CDHR2: variants seen among roughly 807,000 people sequenced by gnomAD.
The protein encoded by CDHR2 is cadherin-related family member 2.
CDHR2 carries 104 observed loss-of-function variants against 138.6 expected under a neutral mutation model. The ratio of observed to expected loss-of-function variants is 0.75; its 90% CI spans 0.64 to 0.88. The LOEUF is 0.88. CDHR2 is among the 40% of genes least tolerant of loss of function. CDHR2 has a pLI of 0.00. For synonymous variants in CDHR2, 755 were observed against 742.8 expected (o/e 1.02, Z -0.27); for missense variants, 1,624 against 1,727.6 (o/e 0.94, Z 1.06).
chr5:176,550,139 TC>T (rs34107500), intron 1 of CDHR2, among the ~76,000 whole-genome samples: 1 of 152,114 alleles, frequency 6.6e-6, no homozygotes, highest in Non-Finnish European at 1.5e-5. Context: ...CAAGGCAGGG[TC>T]CCAGTGAGCA....
chr5:176,584,176 G>A lies in CDHR2; in HGVS notation c.2059-14G>A, dbSNP rs768334313. Reference sequence around the variant, plus strand: ...GATTGGATCCCGGGGACTCAGACCTGTCTCTGACTGCAGGACATCAATGAT... The same window carrying A: ...GATTGGATCCCGGGGACTCAGACCTATCTCTGACTGCAGGACATCAATGAT... On this transcript the variant is annotated splice_polypyrimidine_tract_variant and intron_variant, in intron 17 of 31. Transcript: ENST00000261944. 1 of 1,612,916 alleles carries A rather than the reference G, an allele frequency of 6.2e-7. No homozygotes were observed. The highest frequency in any genetic ancestry group is 8.5e-7 in the Non-Finnish European group (1 of 1,178,928).
At chr5:176,559,408 G>C (rs535703937) in intron 1 of CDHR2, among the ~76,000 whole-genome samples, 17 of 152,224 alleles carry the variant, frequency 1.1e-4, no homozygotes, top group Admixed American at 8.5e-4. Context: ...AGGATTTCAG[G>C]GTCTTGTCTT....
At chr5:176,569,241 TG>T (rs1446988212) in intron 5 of CDHR2, among the ~76,000 whole-genome samples, 1 of 151,792 alleles carries the variant, frequency 6.6e-6, no homozygotes, top group African/African-American at 2.4e-5. Context: ...AGGGCTTTTT[TG>T]TTTACATATA....
chr5:176,588,436 TAA>T (rs1243551913), intron 21 of CDHR2, among the ~76,000 whole-genome samples: 1 of 138,574 alleles, frequency 7.2e-6, no homozygotes, highest in Non-Finnish European at 1.6e-5. Context: ...TGTGTCAGGA[TAA>T]GTGTGTGAGT....
In CDHR2 at chr5:176,577,799, G is replaced by C; in HGVS notation, c.1512+1G>C. The C allele has an allele frequency of 6.2e-7, 1 of 1,613,874 alleles. No homozygotes were observed. Reference sequence around the variant, plus strand: ...CTCTGTGGTCACCGACAGCATCCACGTGAGTGATGTGGACACAGTGGGGCT... The same window carrying C: ...CTCTGTGGTCACCGACAGCATCCACCTGAGTGATGTGGACACAGTGGGGCT... On this transcript the variant is annotated splice_donor_variant, in intron 14 of 31. Coordinates refer to ENST00000261944, the MANE Select transcript of CDHR2 (RefSeq NM_017675.6). LOFTEE classifies it high-confidence loss of function.
intron 1 of CDHR2, among the ~76,000 whole-genome samples, chr5:176,564,997 G>A (rs6892681): frequency 3.3e-5 from 5 of 152,024 alleles, no homozygotes; most frequent in African/African-American, 1.2e-4. Context: ...TTGACTCCCC[G>A]TGGCCTCAGG....
At position 176,575,536 on chromosome 5, in the gene CDHR2, G is replaced by T; in HGVS notation, c.799G>T (p.Asp267Tyr). ...GTSVLTVEAV[D>Y]GDKGINDPVI... ...CTCGGTGCTGACGGTGGAGGCTGTGGATGGCGACAAAGGCATCAATGACCC... is the reference window on the plus strand; with the variant it reads ...CTCGGTGCTGACGGTGGAGGCTGTGTATGGCGACAAAGGCATCAATGACCC... The change falls in exon 10 of 32, where the codon GAT becomes TAT. Residue 267 changes from aspartate (D) to tyrosine (Y), a missense_variant. Coordinates refer to ENST00000261944, the MANE Select transcript of CDHR2 (RefSeq NM_017675.6). The T allele has an allele frequency of 6.2e-7, 1 of 1,614,176 alleles. No homozygotes were observed. The highest frequency in any genetic ancestry group is 1.7e-5 in the Admixed American group (1 of 60,026).
intron 26 of CDHR2, 34 bp downstream of exon 26, chr5:176,590,364 G>A (rs1294900044): frequency 1.9e-6 from 3 of 1,614,200 alleles, no homozygotes; most frequent in Non-Finnish European, 2.5e-6. Context: ...AGGTGTGAGG[G>A]TGAGCAGGAA....
intron 3 of CDHR2, chr5:176,566,902 G>A (rs1758096206): frequency 2.2e-6 from 1 of 455,686 alleles, no homozygotes; most frequent in Admixed American, 2.4e-5. Flanking sequence ...TCAGAAAAGG[G>A]GGACAAGTGG....
chr5:176,592,462 GTGGTGT>G (rs1758905929), intron 30 of CDHR2, among the ~76,000 whole-genome samples: 2 of 148,448 alleles, frequency 1.3e-5, no homozygotes, highest in Non-Finnish European at 3.0e-5. Context: ...GGTGGTGGTG[GTGGTGT>G]TGGTGTTGAG....
chr5:176,585,111 C>T (rs987760297), intron 19 of CDHR2, 96 bp downstream of exon 19: 1 of 1,383,000 alleles, frequency 7.2e-7, no homozygotes, highest in Non-Finnish European at 9.6e-7. Context: ...GGGCTCAGAT[C>T]TTGGCTCCAG....
At chr5:176,544,730 G>A (rs574882566), upstream of CDHR2, among the ~76,000 whole-genome samples, 1 of 152,246 alleles carries the variant, frequency 6.6e-6, no homozygotes, top group Admixed American at 6.5e-5. Flanking sequence ...GAGCTACCGC[G>A]CCCAGCCCCG....
chr5:176,587,922 T>C (rs1195715931), intron 21 of CDHR2, among the ~76,000 whole-genome samples: 2 of 152,366 alleles, frequency 1.3e-5, no homozygotes, highest in South Asian at 4.1e-4. Flanking sequence ...AATTTGGTTC[T>C]AATGTCAAGA....
Position 176,578,104 on chromosome 5 carries a change from T to C in CDHR2, c.1574+9T>C. On this transcript the variant is annotated intron_variant, in intron 15 of 31. Coordinates refer to ENST00000261944, the MANE Select transcript of CDHR2 (RefSeq NM_017675.6). ...CTGCTCCCAGGAAATGGGTAAGGGC[T>C]CAGGGTGGGCCGTAGGCAGGTGGGT... 6.2e-7 allele frequency: 1 copy of C among 1,610,182 alleles called. No homozygotes were observed. Among genetic ancestry groups the C allele is most frequent in the Non-Finnish European group, 8.5e-7 (1 of 1,177,198 alleles).
Position 176,576,336 on chromosome 5 carries a change from G to A in CDHR2, c.1194+151G>A, listed in dbSNP as rs2113299666. On this transcript the variant is annotated intron_variant, in intron 12 of 31. Coordinates refer to ENST00000261944, the MANE Select transcript of CDHR2 (RefSeq NM_017675.6). This position sits in a 1 kb window ranked among gnomAD's most constrained non-coding sequence, Gnocchi z 4.5. Reference sequence around the variant, plus strand: ...TGGGGGTGCTGGGTGCTCTCTGGAAGCCTGTGTTGGTAAGCAGTATCATCC... The same window carrying A: ...TGGGGGTGCTGGGTGCTCTCTGGAAACCTGTGTTGGTAAGCAGTATCATCC... The A allele has an allele frequency of 1.5e-6, 1 of 664,494 alleles. No individual in the cohort carries two copies. The allele number at this position is 664,494 out of a possible 1,614,324, so 41.2% of individuals were successfully genotyped here. A position where few individuals can be genotyped will look rare whatever the true frequency, so the allele number is the denominator to read the frequency against.
chr5:176,578,559 AC>A lies in CDHR2; in HGVS notation c.1770del (p.Tyr590Ter). On this transcript the variant is annotated frameshift_variant, in exon 16 of 32. Coordinates refer to ENST00000261944, the MANE Select transcript of CDHR2 (RefSeq NM_017675.6). LOFTEE classifies it high-confidence loss of function. ...NDNAPVVSGS[Y>X]NIFVQEEEGN... ...AATGCACCCGTGGTTAGCGGCTCCT[AC>A]AACATCTTCGTCCAGGAGGAGGAGG... The A allele has an allele frequency of 6.2e-7, 1 of 1,612,134 alleles. No individual in the cohort carries two copies. Among genetic ancestry groups the A allele is most frequent in the Non-Finnish European group, 8.5e-7 (1 of 1,179,986 alleles).
Position 176,584,730 on chromosome 5 carries a change from C to T in CDHR2, c.2449C>T (p.Arg817Cys), listed in dbSNP as rs199569019. The T allele has an allele frequency of 3.2e-5, 51 of 1,614,074 alleles. No homozygotes were observed. Among genetic ancestry groups the T allele is most frequent in the East Asian group, 8.9e-5 (4 of 44,900 alleles). ...GGATGTAGCCTCACTCCGGGGCATC[C>T]GTGTGGCTGAGAATGGCTCACAGCA... Reference protein sequence around the residue: ...TLDVASLRGIRVAENGSQHGQ... With the variant: ...TLDVASLRGICVAENGSQHGQ... Residue 817 changes from arginine to cysteine, a missense_variant, in exon 19 of 32, where the codon CGT (arginine) becomes TGT (cysteine). Coordinates refer to ENST00000261944, the MANE Select transcript of CDHR2 (RefSeq NM_017675.6).
Position 176,586,692 on chromosome 5 carries a change from C to G in CDHR2, c.2807-101C>G. 9.6e-6 allele frequency: 10 copies of G among 1,036,968 alleles called. No individual in the cohort carries two copies. In the South Asian group the frequency reaches 1.2e-4, roughly 13 times the overall value. The allele number at this position is 1,036,968 out of a possible 1,614,324, so 64.2% of individuals were successfully genotyped here. A position where few individuals can be genotyped will look rare whatever the true frequency, so the allele number is the denominator to read the frequency against. ...TCTCTTTTGGTAGAGAGGTTGAGGG[C>G]AGGTTTAGGGGGATGAGCCCTGAGC... On this transcript the variant is annotated intron_variant, in intron 20 of 31. Transcript: ENST00000261944.
intron 31 of CDHR2, 30 bp from the exon 32 acceptor site, chr5:176,595,502 C>T: frequency 6.4e-7 from 1 of 1,556,936 alleles, no homozygotes; most frequent in Non-Finnish European, 8.7e-7. Flanking sequence ...CTTGCCTTGC[C>T]CTTCACACCT....
Sources: allele counts gnomAD v4.1 joint callset (sites outside exome capture counted in the v4.1 genomes callset), GRCh38; gene constraint gnomAD v4.1.1; non-coding constraint Gnocchi (gnomAD v3.1); transcripts MANE v1.5; gene names NCBI Gene and HGNC (gene_info 2026-07-23, HGNC 2026-07-21).